The following NCAM2 variants were observed in gnomAD, a reference collection of about 807,000 sequenced individuals.
The protein encoded by NCAM2 is neural cell adhesion molecule 2.
In NCAM2, 30 loss-of-function variants were observed where a neutral mutation model predicts 98.1. The ratio of observed to expected loss-of-function variants is 0.31; its 90% CI spans 0.23 to 0.41. The LOEUF (loss-of-function observed/expected upper bound fraction) is 0.41, where lower values mean the gene tolerates loss of function less well. NCAM2 is among the 10% of genes least tolerant of loss of function. NCAM2 has a pLI of 1.00. For synonymous variants in NCAM2, 368 were observed against 342.4 expected (o/e 1.07, Z -0.83); for missense variants, 867 against 1,005.8 (o/e 0.86, Z 1.87).
intron 1 of NCAM2, among the ~76,000 whole-genome samples, chr21:21,073,974 AT>A (rs908464295): frequency 6.6e-6 from 1 of 152,182 alleles, no homozygotes; most frequent in Non-Finnish European, 1.5e-5. Flanking sequence ...CAGGAGAAAA[AT>A]TGGGACCTTC....
At chr21:21,485,526 A>T (rs1986274518) in intron 15 of NCAM2, among the ~76,000 whole-genome samples, 1 of 152,188 alleles carries the variant, frequency 6.6e-6, no homozygotes, top group Non-Finnish European at 1.5e-5. Context: ...TTTCGATTTG[A>T]GGGAGTAGCA....
rs149951243 is a variant in NCAM2 at position 21,390,004 on chromosome 21, C to T, written c.1195+15991C>T. ...AGCTGGGACTACAGTCACGTGCCAC[C>T]ATGCCCAGCTAATTTTTGTATTTTT... On this transcript the variant is annotated intron_variant, in intron 9 of 17. Coordinates refer to ENST00000400546, the MANE Select transcript of NCAM2 (RefSeq NM_004540.5). Among the ~76,000 whole-genome samples, 565 of 152,256 alleles carry T rather than the reference C, an allele frequency of 3.7e-3. 3 individuals carry two copies. The highest frequency in any genetic ancestry group is 0.013 in the African/African-American group (547 of 41,556).
In NCAM2 at chr21:21,226,246, A is replaced by T. The variant is rs140133187; in HGVS notation, c.56-54332A>T. On this transcript the variant is annotated intron_variant, in intron 1 of 17. Transcript: ENST00000400546. ...GACGACAGGATTATTAGAAGCACAA[A>T]CCTCAGCATCCTACAAAATACCCAT... Among the ~76,000 whole-genome samples, 820 of 152,028 alleles carry T rather than the reference A, an allele frequency of 5.4e-3. 7 individuals are homozygous for T. Among genetic ancestry groups the T allele is most frequent in the African/African-American group, 0.019 (775 of 41,474 alleles).
At chr21:21,252,798 TCTCC>T (rs1250648788) in intron 1 of NCAM2, among the ~76,000 whole-genome samples, 6 of 152,106 alleles carry the variant, frequency 3.9e-5, no homozygotes, top group Non-Finnish European at 7.4e-5. Flanking sequence ...TCCTGTCTAC[TCTCC>T]CTCCCCTGAT....
chr21:21,005,527 G>C lies in NCAM2; in HGVS notation c.55+6909G>C, dbSNP rs980595168. ...TCTAGATAAAAATGTCAATAAATTT[G>C]AAAATGGAAACTGTTGATCTTTTTA... On this transcript the variant is annotated intron_variant, in intron 1 of 17. Transcript: ENST00000400546. Among the ~76,000 whole-genome samples, 11 of 151,692 alleles carry C rather than the reference G, an allele frequency of 7.3e-5. No homozygotes were observed. The East Asian group carries it at 2.1e-3, about 29-fold the overall frequency.
At chr21:21,124,582 T>G (rs2066748079) in intron 1 of NCAM2, among the ~76,000 whole-genome samples, 1 of 152,200 alleles carries the variant, frequency 6.6e-6, no homozygotes, top group African/African-American at 2.4e-5. Flanking sequence ...TCAGGAAAAC[T>G]TTGAAACTTG....
chr21:21,508,488 A>G (rs1988131197), intron 15 of NCAM2, among the ~76,000 whole-genome samples: 1 of 152,060 alleles, frequency 6.6e-6, no homozygotes, highest in South Asian at 2.1e-4. Context: ...TCATTTTCTG[A>G]TAAAGTACAT....
At chr21:21,359,098 G>A (rs1294066340) in intron 8 of NCAM2, among the ~76,000 whole-genome samples, 1 of 151,892 alleles carries the variant, frequency 6.6e-6, no homozygotes, top group Non-Finnish European at 1.5e-5. Context: ...TTTTCACGCT[G>A]TGTGTGTGTT....
chr21:21,395,851 C>T (rs2076493764), intron 9 of NCAM2, among the ~76,000 whole-genome samples: 1 of 152,042 alleles, frequency 6.6e-6, no homozygotes. Context: ...TCACCTTAAA[C>T]AAAAATCAAC....
chr21:21,272,193 A>G lies in NCAM2; in HGVS notation c.56-8385A>G, dbSNP rs183514274. ...GAGATTGTAGACATATTAGACTGCC[A>G]TAGTCCAAATCAATGCTGATCACAT... On this transcript the variant is annotated intron_variant, in intron 1 of 17. Transcript: ENST00000400546. Among the ~76,000 whole-genome samples the G allele has an allele frequency of 5.6e-4, 85 of 152,340 alleles. 1 individual carries two copies. Among genetic ancestry groups the G allele is most frequent in the African/African-American group, 2.0e-3 (83 of 41,574 alleles).
chr21:21,044,416 C>T (rs1257024965), intron 1 of NCAM2, among the ~76,000 whole-genome samples: 1 of 152,126 alleles, frequency 6.6e-6, no homozygotes, highest in East Asian at 1.9e-4. Flanking sequence ...AATGGTTCCT[C>T]TTTGCTGCAA....
intron 5 of NCAM2, among the ~76,000 whole-genome samples, chr21:21,297,419 C>T (rs1222472607): frequency 6.6e-6 from 1 of 151,670 alleles, no homozygotes; most frequent in Non-Finnish European, 1.5e-5. Context: ...CTGCCTAAAA[C>T]CTTTCTGTTC....
At chr21:21,190,767 G>A (rs2068794967) in intron 1 of NCAM2, among the ~76,000 whole-genome samples, 2 of 152,034 alleles carry the variant, frequency 1.3e-5, no homozygotes, top group African/African-American at 4.8e-5. Context: ...TATCTTCTTG[G>A]TGCCTTAATT....
intron 1 of NCAM2, among the ~76,000 whole-genome samples, chr21:21,116,177 A>G (rs908239382): frequency 2.0e-5 from 3 of 152,210 alleles, no homozygotes; most frequent in East Asian, 1.9e-4. Context: ...TATTTTTAAG[A>G]TGCTCCCAGC....
chr21:21,265,396 T>C (rs1326756835), intron 1 of NCAM2, among the ~76,000 whole-genome samples: 3 of 124,358 alleles, frequency 2.4e-5, no homozygotes, highest in South Asian at 2.3e-4. Context: ...GTACACACCA[T>C]ATATTATATA....
chr21:21,286,613 T>C (rs2073111211), intron 4 of NCAM2, among the ~76,000 whole-genome samples: 1 of 151,832 alleles, frequency 6.6e-6, no homozygotes, highest in South Asian at 2.1e-4. Flanking sequence ...TACCCCTATG[T>C]TGTAATCAAA....
At chr21:21,258,166 G>A (rs918551357) in intron 1 of NCAM2, among the ~76,000 whole-genome samples, 2 of 152,128 alleles carry the variant, frequency 1.3e-5, no homozygotes, top group African/African-American at 4.8e-5. Flanking sequence ...GTCACAGAAT[G>A]TGTATTTTTT....
chr21:21,248,107 A>G (rs1401118843), intron 1 of NCAM2, among the ~76,000 whole-genome samples: 1 of 82,862 alleles, frequency 1.2e-5, no homozygotes, highest in Admixed American at 1.7e-4. Flanking sequence ...ATAAATAAGT[A>G]AACTCTACAT....
Position 21,538,202 on chromosome 21 carries a change from T to A in NCAM2, c.*245T>A. ...TATCAAGACTGACTGGCACCAACAC[T>A]TTGGTATTCAATTTGATTCTATGAC... is the stretch of plus-strand genomic sequence containing the variant. On this transcript the variant is annotated 3_prime_UTR_variant, in exon 18 of 18. Coordinates refer to ENST00000400546, the MANE Select transcript of NCAM2 (RefSeq NM_004540.5). 3.8e-6 allele frequency: 1 copy of A among 263,104 alleles called. No homozygotes were observed. Among genetic ancestry groups the A allele is most frequent in the Non-Finnish European group, 7.2e-6 (1 of 138,748 alleles). The allele number at this position is 263,104 out of a possible 1,614,324, so 16.3% of individuals were successfully genotyped here.
Sources: allele counts gnomAD v4.1 joint callset (sites outside exome capture counted in the v4.1 genomes callset), GRCh38; gene constraint gnomAD v4.1.1; transcripts MANE v1.5; gene names NCBI Gene and HGNC (gene_info 2026-07-23, HGNC 2026-07-21).